Variants in DNAH3 observed in about 807,000 individuals in gnomAD.
DNAH3 encodes axonemal beta dynein heavy chain 3.
Under a neutral mutation model 432.5 loss-of-function variants are expected in DNAH3, and 332 were observed. The observed-to-expected ratio is 0.77, with a 90% confidence interval of 0.70 to 0.84. The LOEUF (loss-of-function observed/expected upper bound fraction) is 0.84, where lower values mean the gene tolerates loss of function less well. Ranked by LOEUF, DNAH3 falls within the 40% of genes least tolerant of loss-of-function variation. The probability of loss-of-function intolerance (pLI) is 0.00; values close to 1 mark genes in which losing one functional copy is unlikely to be tolerated. For synonymous variants in DNAH3, 1,956 were observed against 1,900.2 expected (o/e 1.03, Z -0.76); for missense variants, 4,861 against 5,114.0 (o/e 0.95, Z 1.51).
intron 18 of DNAH3, among the ~76,000 whole-genome samples, chr16:21,090,457 G>GC (rs1394814954): frequency 6.6e-6 from 1 of 151,522 alleles, no homozygotes. Context: ...ACTGAATCCA[G>GC]CAACACATGA....
intron 37 of DNAH3, among the ~76,000 whole-genome samples, chr16:21,028,036 G>C (rs1248819623): frequency 6.6e-6 from 1 of 152,088 alleles, no homozygotes; most frequent in East Asian, 1.9e-4. Flanking sequence ...TACCCAGACT[G>C]AAATACAATG....
rs1786200354 is a variant in DNAH3, at chr16:21,140,502, G to C, written c.696+34C>G. Reference sequence around the variant, plus strand: ...ACTGAGATGCCGAGAGTAACCCTCAGCAAACCGAGGGAAAGGGGGCAACAG... The same window carrying C: ...ACTGAGATGCCGAGAGTAACCCTCACCAAACCGAGGGAAAGGGGGCAACAG... On this transcript the variant is annotated intron_variant, in intron 5 of 61. Coordinates refer to ENST00000261383, the Ensembl canonical transcript of DNAH3. 6.2e-7 allele frequency: 1 copy of C among 1,602,736 alleles called. No homozygotes were observed. Among genetic ancestry groups the C allele is most frequent in the Non-Finnish European group, 8.5e-7 (1 of 1,171,944 alleles).
chr16:21,089,563 C>A (rs960354866), intron 18 of DNAH3, among the ~76,000 whole-genome samples: 4 of 152,068 alleles, frequency 2.6e-5, no homozygotes, highest in African/African-American at 9.7e-5. Flanking sequence ...AAAAACATAA[C>A]AAGAAAATCT....
intron 31 of DNAH3, among the ~76,000 whole-genome samples, chr16:21,046,675 A>G (rs921955155): frequency 6.6e-6 from 1 of 151,840 alleles, no homozygotes; most frequent in African/African-American, 2.4e-5. Context: ...GTCCATTTAC[A>G]TTTAAAGTTA....
At chr16:20,954,722 G>C (rs1389775970) in intron 55 of DNAH3, 91 bp downstream of exon 55, 1 of 1,448,912 alleles carries the variant, frequency 6.9e-7, no homozygotes, top group African/African-American at 1.4e-5. Flanking sequence ...AACCCTATCT[G>C]AGCGCAAGCT....
intron 24 of DNAH3, among the ~76,000 whole-genome samples, chr16:21,066,319 A>G (rs1274100720): frequency 6.6e-6 from 1 of 152,048 alleles, no homozygotes; most frequent in Non-Finnish European, 1.5e-5. Flanking sequence ...TCATGGATAG[A>G]TTATCAGGAA....
At chr16:21,006,838 C>T (rs944915159) in intron 41 of DNAH3, among the ~76,000 whole-genome samples, 2 of 151,878 alleles carry the variant, frequency 1.3e-5, no homozygotes, top group Non-Finnish European at 2.9e-5. Context: ...GCATGCACCA[C>T]CACGTCTGGC....
chr16:21,031,779 G>A (rs1402372642), intron 36 of DNAH3, among the ~76,000 whole-genome samples: 2 of 152,198 alleles, frequency 1.3e-5, no homozygotes, highest in Non-Finnish European at 2.9e-5. Context: ...TGTAATCCCA[G>A]CACTTTGGGA....
At chr16:21,013,249 G>T (rs2087693766) in intron 41 of DNAH3, among the ~76,000 whole-genome samples, 1 of 151,972 alleles carries the variant, frequency 6.6e-6, no homozygotes, top group African/African-American at 2.4e-5. Context: ...AAATTGATAG[G>T]CCGGGCACAG....
intron 5 of DNAH3, among the ~76,000 whole-genome samples, chr16:21,139,445 G>C (rs191364921): frequency 6.8e-6 from 1 of 147,130 alleles, no homozygotes; most frequent in Non-Finnish European, 1.5e-5. Flanking sequence ...CAAGGGATAG[G>C]TTGTCTTGTC....
At chr16:20,949,205 A>G (rs1469146144) in intron 56 of DNAH3, among the ~76,000 whole-genome samples, 2 of 145,396 alleles carry the variant, frequency 1.4e-5, no homozygotes, top group Non-Finnish European at 3.0e-5. Context: ...AGCTGTCTGG[A>G]CCGCAGAGCT....
At chr16:21,047,505 T>C (rs1247452175) in intron 31 of DNAH3, among the ~76,000 whole-genome samples, 1 of 152,154 alleles carries the variant, frequency 6.6e-6, no homozygotes, top group South Asian at 2.1e-4. Flanking sequence ...CGTAGTTCTC[T>C]AGCCTTGGTT....
chr16:21,031,565 A>G (rs563536141), intron 36 of DNAH3, among the ~76,000 whole-genome samples: 1 of 151,798 alleles, frequency 6.6e-6, no homozygotes, highest in East Asian at 1.9e-4. Context: ...TTGTGCCACC[A>G]CACTTCAGCC....
exon 58 of DNAH3, chr16:20,944,644 C>T: frequency 6.2e-7 from 1 of 1,614,014 alleles, no homozygotes; most frequent in East Asian, 2.2e-5. Flanking sequence ...GGGGAGATTC[C>T]TGAGATAGTC....
chr16:21,155,536 C>T (rs565114071), intron 1 of DNAH3, among the ~76,000 whole-genome samples: 2 of 141,644 alleles, frequency 1.4e-5, no homozygotes, highest in African/African-American at 5.3e-5. Context: ...GCAGGAGAAT[C>T]ATTTGAACCC....
At chr16:21,143,508 T>C (rs773011868) in intron 3 of DNAH3, among the ~76,000 whole-genome samples, 2 of 152,204 alleles carry the variant, frequency 1.3e-5, no homozygotes, top group Admixed American at 1.3e-4. Flanking sequence ...AACCACAAGA[T>C]ATGAATTTCT....
At chr16:21,013,537 G>A (rs1366495897) in intron 41 of DNAH3, among the ~76,000 whole-genome samples, 10 of 151,786 alleles carry the variant, frequency 6.6e-5, no homozygotes, top group African/African-American at 1.7e-4. Context: ...CCTGACCAAC[G>A]TGGAGAAACC....
At position 20,985,133 on chromosome 16, in the gene DNAH3, G is replaced by A. The variant is rs2086127041; in HGVS notation, c.7609C>T (p.Gln2537Ter). The A allele has an allele frequency of 1.9e-6, 3 of 1,614,174 alleles. No homozygotes were observed. The highest frequency in any genetic ancestry group is 1.7e-6 in the Non-Finnish European group (2 of 1,180,028). The stretch of plus-strand genomic sequence containing the variant: ...GGAGTGACTTCAACCTTCTCTCCTT[G>A]GGTCCTGGCTGCAGTCTGCATCTTC... The change falls in exon 48 of 62, where the codon CAA becomes TAA. Residue 2537 changes from glutamine to a stop codon, truncating the protein, a stop_gained. Transcript: ENST00000261383. LOFTEE classifies it high-confidence loss of function.
In DNAH3 at chr16:21,034,310, G is replaced by T. The variant is rs114518719; in HGVS notation, c.5086-225C>A. Among the ~76,000 whole-genome samples the T allele has an allele frequency of 6.8e-3, 1,034 of 152,246 alleles. 11 individuals are homozygous for T. The highest frequency in any genetic ancestry group is 0.024 in the African/African-American group (987 of 41,554). Reference sequence around the variant, plus strand: ...ATTTAAGGGATGGGAACTACCATTTGCTCTGTACTTGTCTATGTGTTAAGA... The same window carrying T: ...ATTTAAGGGATGGGAACTACCATTTTCTCTGTACTTGTCTATGTGTTAAGA... On this transcript the variant is annotated intron_variant, in intron 35 of 61. Transcript: ENST00000261383.
Sources: allele counts gnomAD v4.1 joint callset (sites outside exome capture counted in the v4.1 genomes callset), GRCh38; gene constraint gnomAD v4.1.1; transcripts MANE v1.5; gene names NCBI Gene and HGNC (gene_info 2026-07-23, HGNC 2026-07-21).